Variants in ATP10D observed in about 807,000 individuals in gnomAD.
ATP10D encodes the protein ATPase phospholipid transporting 10D (putative), also known as phospholipid-transporting ATPase VD.
ATP10D carries 89 observed loss-of-function variants against 144.8 expected under a neutral mutation model. That is an observed-to-expected ratio of 0.61 (90% CI 0.52 to 0.73). The LOEUF (loss-of-function observed/expected upper bound fraction) is 0.73. Among genes scored for constraint, ATP10D ranks in the 30% least tolerant of loss-of-function variants. The pLI is 0.00. For synonymous variants in ATP10D, 571 were observed against 615.1 expected (o/e 0.93, Z 1.06); for missense variants, 1,603 against 1,714.8 (o/e 0.93, Z 1.15).
At chr4:47,487,231 C>A (rs11339753) in intron 1 of ATP10D, among the ~76,000 whole-genome samples, 102,676 of 128,396 alleles carry the variant, frequency 0.8, 40,554 homozygotes, top group Middle Eastern at 0.85. Context: ...CTCCGTCCCC[C>A]AAAAAAAAAA....
intron 17 of ATP10D, 115 bp downstream of exon 17, chr4:47,572,345 G>T: frequency 1.1e-6 from 1 of 877,202 alleles, no homozygotes; most frequent in South Asian, 1.6e-5. Context: ...TAGCTGAGGA[G>T]TGGGAGACAG....
At chr4:47,492,270 G>A (rs1715120539) in intron 1 of ATP10D, among the ~76,000 whole-genome samples, 1 of 152,106 alleles carries the variant, frequency 6.6e-6, no homozygotes, top group African/African-American at 2.4e-5. Context: ...TGTGGTAAAG[G>A]GACAACTGTG....
chr4:47,562,444 A>G (rs1719364700), intron 14 of ATP10D, among the ~76,000 whole-genome samples: 1 of 152,200 alleles, frequency 6.6e-6, no homozygotes, highest in Non-Finnish European at 1.5e-5. Flanking sequence ...AAAATGCTCA[A>G]CATCACTAGT....
intron 10 of ATP10D, among the ~76,000 whole-genome samples, chr4:47,550,000 G>C (rs560210214): frequency 6.6e-5 from 10 of 151,892 alleles, no homozygotes; most frequent in African/African-American, 2.4e-4. Context: ...CAGTGGGGAG[G>C]GGGTGGTGGC....
intron 9 of ATP10D, among the ~76,000 whole-genome samples, chr4:47,545,475 C>A (rs1234942326): frequency 1.3e-5 from 2 of 152,160 alleles, no homozygotes; most frequent in African/African-American, 4.8e-5. Flanking sequence ...GACTATTGCA[C>A]TGGTCCAGTT....
intron 12 of ATP10D, among the ~76,000 whole-genome samples, chr4:47,558,659 G>A (rs572468018): frequency 1.3e-5 from 2 of 152,206 alleles, no homozygotes; most frequent in Non-Finnish European, 2.9e-5. Flanking sequence ...TCAGCTAGCA[G>A]CATTATAGTT....
chr4:47,592,506 C>T lies in ATP10D; in HGVS notation c.*1125C>T, dbSNP rs889481651. The T allele has an allele frequency of 1.3e-5, 2 of 152,474 alleles. No homozygotes were observed. The highest frequency in any genetic ancestry group is 2.9e-5 in the Non-Finnish European group (2 of 67,996). 9.4% of individuals were successfully genotyped at this position (152,474 alleles called of 1,614,324 possible). On this transcript the variant is annotated 3_prime_UTR_variant, in exon 23 of 23. Transcript: ENST00000273859. ...GTATGCTGGCTTTAGTTGTAACAAACGATTTTATTCTAAGTAAGGCCAGGT... is the reference window on the plus strand; with the variant it reads ...GTATGCTGGCTTTAGTTGTAACAAATGATTTTATTCTAAGTAAGGCCAGGT...
At position 47,569,094 on chromosome 4, in the gene ATP10D, T is replaced by C. The variant is rs767354239; in HGVS notation, c.3111T>C (p.Ser1037=). The C allele has an allele frequency of 6.2e-7, 1 of 1,614,128 alleles. No homozygotes were observed. Among genetic ancestry groups the C allele is most frequent in the Non-Finnish European group, 8.5e-7 (1 of 1,180,030 alleles). ...VCCRATPLQK[S]EVVKLVRSHL... ...GCCGAGCCACACCGCTGCAGAAAAGTGAAGTGGTGAAATTGGTCCGCAGCC... is the reference window on the plus strand; with the variant it reads ...GCCGAGCCACACCGCTGCAGAAAAGCGAAGTGGTGAAATTGGTCCGCAGCC... The change falls in exon 16 of 23, where the codon AGT becomes AGC. Residue 1037 remains serine, a synonymous_variant. Coordinates refer to ENST00000273859, the MANE Select transcript of ATP10D (RefSeq NM_020453.4).
At chr4:47,577,110 G>T (rs1720279484) in intron 19 of ATP10D, 137 bp downstream of exon 19, 1 of 763,178 alleles carries the variant, frequency 1.3e-6, no homozygotes, top group African/African-American at 1.8e-5. Flanking sequence ...CTCTACTTAT[G>T]TGGCAGATAT....
intron 8 of ATP10D, 38 bp downstream of exon 8, chr4:47,536,602 C>A: frequency 6.2e-7 from 1 of 1,607,190 alleles, no homozygotes; most frequent in East Asian, 2.2e-5. Context: ...ATTTTAACAT[C>A]TTTGCTGCTT....
intron 5 of ATP10D, among the ~76,000 whole-genome samples, chr4:47,534,591 T>A (rs1025120403): frequency 6.6e-6 from 1 of 152,180 alleles, no homozygotes; most frequent in Non-Finnish European, 1.5e-5. Context: ...ATCCTATTAT[T>A]ATAAAGTTCC....
At chr4:47,532,548 A>C (rs182411698) in intron 5 of ATP10D, among the ~76,000 whole-genome samples, 4 of 152,350 alleles carry the variant, frequency 2.6e-5, no homozygotes, top group Admixed American at 1.3e-4. Flanking sequence ...GAAGCATTTA[A>C]TAAGAGAATC....
In ATP10D at chr4:47,560,153, G is replaced by A. The variant is rs375035087; in HGVS notation, c.2542-796G>A. The A allele has an allele frequency of 9.9e-5, 15 of 152,268 alleles. No individual in the cohort carries two copies. In the East Asian group the frequency reaches 2.7e-3, roughly 27 times the overall value. The allele number at this position is 152,268 out of a possible 1,614,324, so 9.4% of individuals were successfully genotyped here. A position where few individuals can be genotyped will look rare whatever the true frequency, so the allele number is the denominator to read the frequency against. ...AACAGGTGTCAGATTCTCTCAAATC[G>A]AATGACCTGTGGCCAAGAATAAGTA... On this transcript the variant is annotated intron_variant, in intron 13 of 22. Transcript: ENST00000273859.
chr4:47,543,149 T>G (rs1718243571), intron 9 of ATP10D, among the ~76,000 whole-genome samples: 1 of 152,134 alleles, frequency 6.6e-6, no homozygotes, highest in Non-Finnish European at 1.5e-5. Flanking sequence ...ATTATTCTAT[T>G]TTATTATTAG....
At chr4:47,491,050 T>G (rs1560404105) in intron 1 of ATP10D, 1 of 720,708 alleles carries the variant, frequency 1.4e-6, no homozygotes, top group East Asian at 2.9e-5. Context: ...TCTCACAAAG[T>G]GTGCTTCTCT....
intron 19 of ATP10D, among the ~76,000 whole-genome samples, chr4:47,580,121 A>T (rs916402825): frequency 5.3e-5 from 8 of 152,354 alleles, no homozygotes; most frequent in Non-Finnish European, 7.4e-5. Context: ...GGAAAGGAGA[A>T]GTTAGTACTA....
intron 13 of ATP10D, among the ~76,000 whole-genome samples, chr4:47,559,571 A>T (rs1283885479): frequency 1.3e-5 from 2 of 152,216 alleles, no homozygotes; most frequent in Non-Finnish European, 2.9e-5. Flanking sequence ...AAGAAAGAAG[A>T]TGGAGCTCCA....
chr4:47,513,906 A>G (rs1467961772), intron 2 of ATP10D, among the ~76,000 whole-genome samples: 2 of 152,196 alleles, frequency 1.3e-5, no homozygotes, highest in Admixed American at 1.3e-4. Context: ...AGTGAATTGT[A>G]ATGGAGACCT....
Position 47,545,420 on chromosome 4 carries a change from C to A in ATP10D, c.1397-1204C>A, listed in dbSNP as rs181858261. On this transcript the variant is annotated intron_variant, in intron 9 of 22. Coordinates refer to ENST00000273859, the MANE Select transcript of ATP10D (RefSeq NM_020453.4). ...TCTTTTAGGAAGATCACTCTAGCTA[C>A]TATTTGAAAAATGGATTGCAGAGGG... is the stretch of plus-strand genomic sequence containing the variant. Among the ~76,000 whole-genome samples the A allele has an allele frequency of 2.0e-5, 3 of 152,320 alleles. No individual in the cohort carries two copies. The East Asian group carries it at 5.8e-4, about 29-fold the overall frequency.
Sources: gnomAD v4.1 joint callset for allele counts (sites outside exome capture counted in the v4.1 genomes callset) on GRCh38, gnomAD v4.1.1 for gene constraint, MANE v1.5 for transcripts, NCBI Gene and HGNC (gene_info 2026-07-23, HGNC 2026-07-21) for gene names.